The following CPA6 variants were observed in gnomAD, a reference collection of about 807,000 sequenced individuals.
CPA6 encodes the protein carboxypeptidase B.
A neutral mutation model predicts 63.3 loss-of-function variants in CPA6; 58 were observed. The observed-to-expected ratio is 0.92, with a 90% CI of 0.74 to 1.14. The LOEUF (loss-of-function observed/expected upper bound fraction) is 1.14, where lower values mean the gene tolerates loss of function less well. CPA6 is among the 50% of genes most tolerant of loss of function. The pLI is 0.00. For missense variants in CPA6, 565 were observed against 526.6 expected (o/e 1.07, Z -0.71); for synonymous variants, 185 against 179.0 (o/e 1.03, Z -0.27).
At chr8:67,487,220 A>G (rs1237834002) in intron 6 of CPA6, among the ~76,000 whole-genome samples, 2 of 152,128 alleles carry the variant, frequency 1.3e-5, no homozygotes, top group Non-Finnish European at 2.9e-5. Context: ...CCACCTCAAG[A>G]AAGGTCCCAG....
chr8:67,732,495 T>C (rs1204164393), intron 1 of CPA6: 1 of 152,204 alleles, frequency 6.6e-6, no homozygotes, highest in Non-Finnish European at 1.5e-5. Flanking sequence ...GATAAGAAGA[T>C]ACAGCATCTT....
intron 2 of CPA6, among the ~76,000 whole-genome samples, chr8:67,594,288 C>T (rs1157501811): frequency 4.0e-5 from 6 of 151,784 alleles, no homozygotes; most frequent in Non-Finnish European, 2.9e-5. Flanking sequence ...TGTGGGTAAC[C>T]CGACCTTTCT....
chr8:67,589,841 T>C (rs1454685187), intron 2 of CPA6, among the ~76,000 whole-genome samples: 1 of 152,026 alleles, frequency 6.6e-6, no homozygotes, highest in East Asian at 1.9e-4. Context: ...TTATAGCAAT[T>C]GCTTTTTTGT....
chr8:67,625,920 GGCTTGGTGGAAGGT>G (rs921071275), intron 1 of CPA6, among the ~76,000 whole-genome samples: 4 of 152,126 alleles, frequency 2.6e-5, no homozygotes, highest in African/African-American at 9.7e-5. Flanking sequence ...TTGGAGGAGG[GGCTTGGTGGAAGGT>G]GATTGGTTCA....
chr8:67,494,564 G>A (rs1230892889), intron 6 of CPA6, among the ~76,000 whole-genome samples: 3 of 152,054 alleles, frequency 2.0e-5, no homozygotes, highest in Non-Finnish European at 4.4e-5. Context: ...AGCCCAAATT[G>A]CCTCATTCAG....
chr8:67,605,246 G>A (rs1482673748), intron 2 of CPA6, among the ~76,000 whole-genome samples: 2 of 152,068 alleles, frequency 1.3e-5, no homozygotes, highest in Non-Finnish European at 2.9e-5. Flanking sequence ...TTTGTGGAAT[G>A]AGTATGCTTG....
intron 8 of CPA6, among the ~76,000 whole-genome samples, chr8:67,470,681 G>T (rs982513623): frequency 6.6e-6 from 1 of 151,898 alleles, no homozygotes; most frequent in African/African-American, 2.4e-5. Flanking sequence ...ACCATTCTCT[G>T]CTGTATTTGC....
intron 8 of CPA6, among the ~76,000 whole-genome samples, chr8:67,477,311 GAA>G (rs1203013002): frequency 1.6e-5 from 2 of 121,596 alleles, no homozygotes; most frequent in African/African-American, 3.1e-5. Flanking sequence ...AAAAAAAAAG[GAA>G]AAAAAAAAAA....
chr8:67,715,170 T>C (rs961888477), intron 1 of CPA6, among the ~76,000 whole-genome samples: 3 of 152,222 alleles, frequency 2.0e-5, no homozygotes, highest in Non-Finnish European at 4.4e-5. Flanking sequence ...TCCAGTCTGA[T>C]GCTGACTACC....
At chr8:67,448,789 A>AT (rs1810492774) in intron 8 of CPA6, among the ~76,000 whole-genome samples, 1 of 151,784 alleles carries the variant, frequency 6.6e-6, no homozygotes, top group Admixed American at 6.6e-5. Flanking sequence ...TTATCACTTT[A>AT]TTTTTTTCCA....
intron 8 of CPA6, among the ~76,000 whole-genome samples, chr8:67,450,604 T>C (rs898345980): frequency 1.3e-5 from 2 of 152,238 alleles, no homozygotes; most frequent in African/African-American, 2.4e-5. Flanking sequence ...TATTTTGTAC[T>C]GAAAACAGGA....
At chr8:67,549,247 G>T (rs1442720691) in intron 2 of CPA6, among the ~76,000 whole-genome samples, 1 of 152,066 alleles carries the variant, frequency 6.6e-6, no homozygotes, top group African/African-American at 2.4e-5. Context: ...AGAGGTAAAA[G>T]GAAGAAAATA....
chr8:67,515,114 C>T (rs1263434706), intron 3 of CPA6, among the ~76,000 whole-genome samples: 1 of 152,156 alleles, frequency 6.6e-6, no homozygotes, highest in Non-Finnish European at 1.5e-5. Flanking sequence ...CTAGGCCCTC[C>T]CAAACCCCAA....
At chr8:67,574,567 A>T (rs1368014060) in intron 2 of CPA6, among the ~76,000 whole-genome samples, 2 of 152,164 alleles carry the variant, frequency 1.3e-5, no homozygotes, top group Admixed American at 1.3e-4. Context: ...ACAGAACAGA[A>T]ATCATAGAAA....
chr8:67,679,800 T>A (rs190725219), intron 1 of CPA6, among the ~76,000 whole-genome samples: 127 of 152,356 alleles, frequency 8.3e-4, no homozygotes, highest in Admixed American at 4.3e-3. Context: ...TTTCCATAGT[T>A]CAACCTAACA....
intron 2 of CPA6, among the ~76,000 whole-genome samples, chr8:67,558,268 A>G (rs1406985917): frequency 1.3e-5 from 2 of 152,148 alleles, no homozygotes; most frequent in Non-Finnish European, 2.9e-5. Flanking sequence ...GTCTTTTCTG[A>G]ACACCCAAAG....
chr8:67,655,381 G>C (rs993995545), intron 1 of CPA6, among the ~76,000 whole-genome samples: 1 of 152,112 alleles, frequency 6.6e-6, no homozygotes, highest in Non-Finnish European at 1.5e-5. Context: ...ACTCTAATGA[G>C]CTGGGGAGAG....
intron 6 of CPA6, among the ~76,000 whole-genome samples, chr8:67,490,695 A>G (rs1407043894): frequency 1.3e-5 from 2 of 152,186 alleles, no homozygotes; most frequent in Non-Finnish European, 2.9e-5. Flanking sequence ...TTTGGCCTCT[A>G]CATACTTATG....
chr8:67,513,825 T>C (rs1328606335), intron 3 of CPA6, among the ~76,000 whole-genome samples: 1 of 152,210 alleles, frequency 6.6e-6, no homozygotes, highest in Non-Finnish European at 1.5e-5. Context: ...TCACAGCCTG[T>C]GATGATTCCT....
Sources: gnomAD v4.1 joint callset for allele counts (sites outside exome capture counted in the v4.1 genomes callset) on GRCh38, gnomAD v4.1.1 for gene constraint, MANE v1.5 for transcripts, NCBI Gene and HGNC (gene_info 2026-07-23, HGNC 2026-07-21) for gene names.